The following PGAP2 variants were observed in gnomAD, a reference collection of about 807,000 sequenced individuals.
The protein encoded by PGAP2 is acyltransferase PGAP2.
Under a neutral mutation model 33.2 loss-of-function variants are expected in PGAP2, and 21 were observed. That is an observed-to-expected ratio of 0.63 (90% confidence interval 0.45 to 0.91). The LOEUF (loss-of-function observed/expected upper bound fraction) is 0.91. Among genes scored for constraint, PGAP2 ranks in the 40% least tolerant of loss-of-function variants. The probability of loss-of-function intolerance (pLI) is 0.00; values close to 1 mark genes in which losing one functional copy is unlikely to be tolerated. For missense variants in PGAP2, 345 were observed against 424.0 expected (o/e 0.81, Z 1.64); for synonymous variants, 161 against 172.9 (o/e 0.93, Z 0.54).
In PGAP2 at chr11:3,811,443, G is replaced by C. The variant is rs371204864; in HGVS notation, c.165+19G>C. ...CTGTGGGGTAGGGCATGGGGACACT[G>C]ATACCTCATATTCAGGCCGATCTGG... On this transcript the variant is annotated intron_variant, in intron 2 of 6. Transcript: ENST00000278243. The surrounding 1 kb of genome is among the most constrained non-coding windows in gnomAD (Gnocchi z 4.6). 1 of 1,607,850 alleles carries C rather than the reference G, an allele frequency of 6.2e-7. No individual in the cohort carries two copies. Among genetic ancestry groups the C allele is most frequent in the Non-Finnish European group, 8.5e-7 (1 of 1,175,734 alleles).
intron 1 of PGAP2, among the ~76,000 whole-genome samples, chr11:3,802,070 C>T (rs1390898042): frequency 2.5e-5 from 2 of 78,784 alleles, no homozygotes; most frequent in Non-Finnish European, 6.2e-5. Context: ...ATTTCTTTTC[C>T]TTTTCCTTTT....
At position 3,808,573 on chromosome 11, in the gene PGAP2, C is replaced by G. The variant is rs1441453392; in HGVS notation, c.-89C>G. 1 of 1,375,688 alleles carries G rather than the reference C, an allele frequency of 7.3e-7. No homozygotes were observed. Among genetic ancestry groups the G allele is most frequent in the Non-Finnish European group, 9.4e-7 (1 of 1,065,776 alleles). The allele number at this position is 1,375,688 out of a possible 1,614,324, so 85.2% of individuals were successfully genotyped here. On this transcript the variant is annotated 5_prime_UTR_variant, in exon 1 of 7. Coordinates refer to ENST00000278243, the MANE Select transcript of PGAP2 (RefSeq NM_014489.4). ...CCCGCCCCCGCCGTTCGCGCTCTGA[C>G]CAGCCCGCAGAGCCAGCCCCCGACC...
At chr11:3,808,418 G>C, upstream of PGAP2, 2 of 1,544,492 alleles carry the variant, frequency 1.3e-6, no homozygotes, top group Non-Finnish European at 1.7e-6. Flanking sequence ...GACCCGGGCT[G>C]TAAAGCATGG....
chr11:3,808,060 G>A, upstream of PGAP2: 1 of 1,418,134 alleles, frequency 7.1e-7, no homozygotes, highest in East Asian at 2.6e-5. Flanking sequence ...TCTGGGATGT[G>A]CCTCACCGGG....
chr11:3,800,931 G>C (rs1227792966), intron 1 of PGAP2, among the ~76,000 whole-genome samples: 1 of 151,288 alleles, frequency 6.6e-6, no homozygotes, highest in Non-Finnish European at 1.5e-5. Context: ...TCAGGAGTTC[G>C]AAACCCGCCT....
At chr11:3,799,336 G>C (rs1401097541) in intron 1 of PGAP2, among the ~76,000 whole-genome samples, 8 of 151,714 alleles carry the variant, frequency 5.3e-5, no homozygotes, top group Admixed American at 2.6e-4. Flanking sequence ...CCAGGAGTTC[G>C]AGACCAGCCT....
Position 3,803,514 on chromosome 11 carries a change from G to A in PGAP2, c.140-4780G>A, listed in dbSNP as rs1034850378. On this transcript the variant is annotated intron_variant, in intron 1 of 6. Transcript: ENST00000300730. The stretch of plus-strand genomic sequence containing the variant: ...GCAGTCTCGGCTCACTGCAACCTCC[G>A]CCTCCTGGGTTCAAGCAATTCTCGT... 8.6e-5 allele frequency among the ~76,000 whole-genome samples: 13 copies of A among 151,772 alleles called. No homozygotes were observed. The South Asian group carries it at 2.3e-3, about 27-fold the overall frequency.
Position 3,825,504 on chromosome 11 carries a change from A to C in PGAP2, c.*46A>C. 6.3e-7 allele frequency: 1 copy of C among 1,591,010 alleles called. No homozygotes were observed. The highest frequency in any genetic ancestry group is 1.1e-5 in the South Asian group (1 of 88,604). ...AGGACGCAGCCCACTGCCCAGAAAC[A>C]AGAAACACGATACCATTCTGGCCTT... is the stretch of plus-strand genomic sequence containing the variant. On this transcript the variant is annotated 3_prime_UTR_variant, in exon 7 of 7. Transcript: ENST00000278243.
chr11:3,825,736 G>A lies in PGAP2; in HGVS notation c.*278G>A, dbSNP rs760765800. 8 of 276,954 alleles carry A rather than the reference G, an allele frequency of 2.9e-5. No homozygotes were observed. Among genetic ancestry groups the A allele is most frequent in the Non-Finnish European group, 5.5e-5 (8 of 146,578 alleles). 17.2% of individuals were successfully genotyped at this position (276,954 alleles called of 1,614,324 possible). A position where few individuals can be genotyped will look rare whatever the true frequency, so the allele number is the denominator to read the frequency against. On this transcript the variant is annotated 3_prime_UTR_variant, in exon 7 of 7. Coordinates refer to ENST00000278243, the MANE Select transcript of PGAP2 (RefSeq NM_014489.4). Reference sequence around the variant, plus strand: ...ACCATTTGGTGCTAAAAAAAAAAACGTCCTGAGGTTCATGACCACCATCCA... The same window carrying A: ...ACCATTTGGTGCTAAAAAAAAAAACATCCTGAGGTTCATGACCACCATCCA...
chr11:3,824,273 T>C lies in PGAP2; in HGVS notation c.605T>C (p.Ile202Thr). 3 of 1,614,206 alleles carry C rather than the reference T, an allele frequency of 1.9e-6. No individual in the cohort carries two copies. The highest frequency in any genetic ancestry group is 2.5e-6 in the Non-Finnish European group (3 of 1,180,038). The part of the protein sequence containing the change: ...TYVSSSEDFT[I>T]HENAFIVFIA... ...TCCCAATCCTCTTTCCCTCCAGCCA[T>C]CCACGAAAATGCTTTCATTGTGTTC... The change falls in exon 5 of 7, where the codon ATC (isoleucine) becomes ACC (threonine). Residue 202 changes from isoleucine to threonine, a missense_variant. Ile to Thr is a moderately conservative substitution (Grantham distance 89). Around this residue, in one of 2 missense-constraint regions of PGAP2, gnomAD observed 311 missense variants for 353.6 expected, o/e 0.88. Coordinates refer to ENST00000278243, the MANE Select transcript of PGAP2 (RefSeq NM_014489.4).
Position 3,817,342 on chromosome 11 carries a change from G to A in PGAP2, c.166-11G>A, listed in dbSNP as rs777038505. ...TACCAGGCCCCAAGTTGTATCCCTC[G>A]TGCTGCTTAGGCCACGCCCTGCAGG... On this transcript the variant is annotated splice_polypyrimidine_tract_variant and intron_variant, in intron 2 of 6. Coordinates refer to ENST00000278243, the MANE Select transcript of PGAP2 (RefSeq NM_014489.4). 1.9e-5 allele frequency: 30 copies of A among 1,606,008 alleles called. No homozygotes were observed. Among genetic ancestry groups the A allele is most frequent in the Middle Eastern group, 1.7e-4 (1 of 5,866 alleles).
intron 1 of PGAP2, among the ~76,000 whole-genome samples, chr11:3,800,824 A>G (rs1417643096): frequency 4.7e-5 from 7 of 150,196 alleles, no homozygotes; most frequent in Non-Finnish European, 7.4e-5. Flanking sequence ...AAAAAAAAAA[A>G]AAAAAAAGAA....
chr11:3,821,041 G>C (rs2088494695), intron 3 of PGAP2, among the ~76,000 whole-genome samples: 1 of 149,036 alleles, frequency 6.7e-6, no homozygotes. Flanking sequence ...GTCTGAGCCT[G>C]GTCTCAAGCT....
At chr11:3,798,081 C>T in intron 1 of PGAP2, 3 of 1,497,990 alleles carry the variant, frequency 2.0e-6, no homozygotes, top group Non-Finnish European at 2.6e-6. Context: ...ACGTGCGGAG[C>T]CTGAGGGCCC....
chr11:3,805,187 A>G (rs2084109482), upstream of PGAP2, among the ~76,000 whole-genome samples: 1 of 152,028 alleles, frequency 6.6e-6, no homozygotes, highest in South Asian at 2.1e-4. Flanking sequence ...ACCATCATGT[A>G]CTGAGTACCT....
chr11:3,809,955 T>A (rs1404813595), intron 1 of PGAP2, among the ~76,000 whole-genome samples: 7 of 152,130 alleles, frequency 4.6e-5, no homozygotes, highest in Non-Finnish European at 4.4e-5. Context: ...GGGAGAGTCT[T>A]GTGGGTGGGG....
upstream of PGAP2, chr11:3,808,417 T>A: frequency 6.5e-7 from 1 of 1,544,874 alleles, no homozygotes; most frequent in South Asian, 1.2e-5. Context: ...AGACCCGGGC[T>A]GTAAAGCATG....
At chr11:3,822,160 T>G (rs61899365) in intron 3 of PGAP2, among the ~76,000 whole-genome samples, 8 of 151,246 alleles carry the variant, frequency 5.3e-5, no homozygotes, top group East Asian at 3.9e-4. Flanking sequence ...GTCAGGAGAT[T>G]GAGACCATCC....
At chr11:3,816,864 A>T (rs757240743) in intron 2 of PGAP2, among the ~76,000 whole-genome samples, 10 of 152,174 alleles carry the variant, frequency 6.6e-5, no homozygotes, top group Non-Finnish European at 1.5e-4. Flanking sequence ...GTCCTTTGTT[A>T]GTTGGCCTGA....
Sources: allele counts gnomAD v4.1 joint callset (sites outside exome capture counted in the v4.1 genomes callset), GRCh38; gene constraint gnomAD v4.1.1; regional missense constraint gnomAD v4.1.1; non-coding constraint Gnocchi (gnomAD v3.1); transcripts MANE v1.5; gene names NCBI Gene and HGNC (gene_info 2026-07-23, HGNC 2026-07-21).